The following AOPEP variants were observed in gnomAD, a reference collection of about 807,000 sequenced individuals.
The protein encoded by AOPEP is aminopeptidase O (putative), also known as aminopeptidase O.
In AOPEP, 77 loss-of-function variants were observed where a neutral mutation model predicts 98.1. That is an observed-to-expected ratio of 0.78 (90% CI 0.65 to 0.95). The LOEUF is 0.95. AOPEP is among the 40% of genes least tolerant of loss of function. AOPEP has a pLI of 0.00. For synonymous variants in AOPEP, 346 were observed against 365.3 expected (o/e 0.95, Z 0.60); for missense variants, 1,024 against 1,024.7 (o/e 1.00, Z 0.01).
In AOPEP at chr9:94,760,586, T is replaced by C; in HGVS notation, c.797+6T>C. 3 of 1,530,080 alleles carry C rather than the reference T, an allele frequency of 2.0e-6. No homozygotes were observed. Among genetic ancestry groups the C allele is most frequent in the Non-Finnish European group, 2.6e-6 (3 of 1,142,868 alleles). 94.8% of individuals were successfully genotyped at this position (1,530,080 alleles called of 1,614,324 possible). A position where few individuals can be genotyped will look rare whatever the true frequency, so the allele number is the denominator to read the frequency against. ...ACCTCAGACCAGAGTGGCAGGTAGG[T>C]TATCCAAGCACTTCAAAGCCCTGTG... On this transcript the variant is annotated splice_donor_region_variant and intron_variant, in intron 2 of 16. Transcript: ENST00000375315.
the AOPEP span, among the ~76,000 whole-genome samples, chr9:95,128,689 A>G: frequency 1.3e-5 from 2 of 152,178 alleles, no homozygotes; most frequent in Non-Finnish European, 2.9e-5. Flanking sequence ...CGCTCAATCC[A>G]ATGTTTTAAA....
chr9:94,739,021 C>G (rs1404027981), intron 1 of AOPEP, among the ~76,000 whole-genome samples: 1 of 152,160 alleles, frequency 6.6e-6, no homozygotes, highest in African/African-American at 2.4e-5. Context: ...AGTCTAGGAG[C>G]AAGAATGCCA....
chr9:95,109,617 C>G, the AOPEP span: 1 of 152,192 alleles, frequency 6.6e-6, no homozygotes, highest in African/African-American at 2.4e-5. Context: ...CAGGCCTTCT[C>G]ACAGGCAGGA....
At chr9:94,799,215 G>A (rs1835137306) in intron 4 of AOPEP, among the ~76,000 whole-genome samples, 1 of 152,216 alleles carries the variant, frequency 6.6e-6, no homozygotes, top group African/African-American at 2.4e-5. Context: ...GGACATGCCA[G>A]CATCTTAAGA....
chr9:94,767,136 T>C (rs539807327), intron 2 of AOPEP, among the ~76,000 whole-genome samples: 7 of 152,352 alleles, frequency 4.6e-5, no homozygotes, highest in East Asian at 1.9e-4. Context: ...CACCTTTTTT[T>C]CCCCTTACTT....
chr9:94,743,711 AG>A (rs1833789327), intron 1 of AOPEP, among the ~76,000 whole-genome samples: 1 of 152,118 alleles, frequency 6.6e-6, no homozygotes, highest in Admixed American at 6.5e-5. Flanking sequence ...TGGAGGACAG[AG>A]GCCATGGGAG....
intron 11 of AOPEP, among the ~76,000 whole-genome samples, chr9:94,991,016 A>G (rs1589189234): frequency 6.6e-6 from 1 of 152,350 alleles, no homozygotes; most frequent in East Asian, 1.9e-4. Context: ...AGTTGTGCAC[A>G]TGGCTGCATA....
At position 94,777,693 on chromosome 9, in the gene AOPEP, G is replaced by A. The variant is rs184615423; in HGVS notation, c.964+4525G>A. ...CTATTGTCCAGGCTGGAGTACAGTG[G>A]CGCGATCTCAGCTCACTGCAACCTC... On this transcript the variant is annotated intron_variant, in intron 3 of 16. Transcript: ENST00000375315. Among the ~76,000 whole-genome samples, 109 of 142,768 alleles carry A rather than the reference G, an allele frequency of 7.6e-4. 1 individual carries two copies. The highest frequency in any genetic ancestry group is 2.8e-3 in the African/African-American group (105 of 37,314). The allele number at this position is 142,768 out of a possible 152,430, so 93.7% of individuals were successfully genotyped here.
the AOPEP span, among the ~76,000 whole-genome samples, chr9:95,110,002 C>A: frequency 3.9e-5 from 6 of 152,182 alleles, no homozygotes; most frequent in Non-Finnish European, 8.8e-5. Context: ...TCTGGAGTCA[C>A]CAACATGAGC....
chr9:95,060,395 A>G (rs560561880), intron 13 of AOPEP, among the ~76,000 whole-genome samples: 1 of 152,374 alleles, frequency 6.6e-6, no homozygotes, highest in East Asian at 1.9e-4. Context: ...GAGATCCAGT[A>G]AACCACGATA....
intron 13 of AOPEP, among the ~76,000 whole-genome samples, chr9:95,026,713 G>GT (rs1313417431): frequency 2.0e-5 from 3 of 152,180 alleles, no homozygotes; most frequent in Admixed American, 1.3e-4. Context: ...TAGGAGTCAC[G>GT]TAAGTTGAGT....
At chr9:95,149,297 G>A in the AOPEP span, among the ~76,000 whole-genome samples, 20 of 152,166 alleles carry the variant, frequency 1.3e-4, no homozygotes, top group South Asian at 3.5e-3. Context: ...CCTGAGCAAC[G>A]GTAGGAGGGA....
chr9:94,854,077 T>C (rs781261482), intron 5 of AOPEP, among the ~76,000 whole-genome samples: 8 of 152,122 alleles, frequency 5.3e-5, no homozygotes, highest in Non-Finnish European at 1.0e-4. Context: ...TTGTGAGTCA[T>C]GAAGGAGAAT....
At chr9:94,785,208 T>A (rs1022628592) in intron 3 of AOPEP, among the ~76,000 whole-genome samples, 7 of 152,226 alleles carry the variant, frequency 4.6e-5, no homozygotes, top group Non-Finnish European at 1.0e-4. Context: ...GTGCTGGGAT[T>A]ATAGGCGTGA....
chr9:94,736,962 T>G (rs1831909618), intron 1 of AOPEP, among the ~76,000 whole-genome samples: 1 of 152,202 alleles, frequency 6.6e-6, no homozygotes, highest in Non-Finnish European at 1.5e-5. Flanking sequence ...AAGAGACTAC[T>G]CAGGCAATGA....
chr9:94,973,449 G>A (rs935200627), intron 10 of AOPEP, among the ~76,000 whole-genome samples: 1 of 152,216 alleles, frequency 6.6e-6, no homozygotes, highest in Non-Finnish European at 1.5e-5. Context: ...TTACTTTCTG[G>A]CTTTACACAC....
chr9:94,984,796 G>T (rs1426652065), intron 11 of AOPEP, among the ~76,000 whole-genome samples: 1 of 152,204 alleles, frequency 6.6e-6, no homozygotes, highest in Non-Finnish European at 1.5e-5. Context: ...ATGCCTTAAA[G>T]TCACCCACAG....
the AOPEP span, among the ~76,000 whole-genome samples, chr9:95,147,933 C>T: frequency 6.6e-6 from 1 of 152,160 alleles, no homozygotes; most frequent in African/African-American, 2.4e-5. Flanking sequence ...TGGCCACACA[C>T]CCAAGTGGTA....
chr9:95,150,222 C>A, the AOPEP span: 1 of 802,356 alleles, frequency 1.2e-6, no homozygotes, highest in Non-Finnish European at 2.1e-6. Context: ...GACTCTAACA[C>A]CATCGATGAA....
Sources: allele counts gnomAD v4.1 joint callset (sites outside exome capture counted in the v4.1 genomes callset), GRCh38; gene constraint gnomAD v4.1.1; transcripts MANE v1.5; gene names NCBI Gene and HGNC (gene_info 2026-07-23, HGNC 2026-07-21).